The following ROBO2 variants were observed in gnomAD, a reference collection of about 807,000 sequenced individuals.
ROBO2 encodes the protein roundabout guidance receptor 2.
ROBO2 carries 53 observed loss-of-function variants against 160.8 expected under a neutral mutation model. The ratio of observed to expected loss-of-function variants is 0.33; its 90% CI spans 0.26 to 0.41. The LOEUF (loss-of-function observed/expected upper bound fraction) is 0.41, where lower values mean the gene tolerates loss of function less well. Ranked by LOEUF, ROBO2 falls within the 10% of genes least tolerant of loss-of-function variation. The probability of loss-of-function intolerance (pLI) is 1.00; values close to 1 mark genes in which losing one functional copy is unlikely to be tolerated. For missense variants in ROBO2, 1,577 were observed against 1,722.4 expected, an observed-to-expected ratio of 0.92 and a Z score of 1.49; for synonymous variants, 664 against 611.7, an observed-to-expected ratio of 1.09 and a Z score of -1.26.
At chr3:76,333,259 T>C (rs2073625899) in intron 2 of ROBO2, among the ~76,000 whole-genome samples, 1 of 152,162 alleles carries the variant, frequency 6.6e-6, no homozygotes, top group Non-Finnish European at 1.5e-5. Flanking sequence ...GTTGTGATCA[T>C]TGAGATAATG....
At chr3:77,008,189 T>C (rs982141048) in intron 2 of ROBO2, among the ~76,000 whole-genome samples, 5 of 152,078 alleles carry the variant, frequency 3.3e-5, no homozygotes, top group Non-Finnish European at 7.4e-5. Flanking sequence ...AAGTTCGGTT[T>C]CTTGAACTTG....
At chr3:77,234,377 A>G (rs2087647209) in intron 2 of ROBO2, among the ~76,000 whole-genome samples, 1 of 152,172 alleles carries the variant, frequency 6.6e-6, no homozygotes, top group South Asian at 2.1e-4. Context: ...ATATTTGAGC[A>G]CTAATCATGC....
At chr3:76,579,218 G>A (rs1287183168) in intron 2 of ROBO2, among the ~76,000 whole-genome samples, 1 of 151,942 alleles carries the variant, frequency 6.6e-6, no homozygotes, top group East Asian at 1.9e-4. Context: ...CCTTTCATTG[G>A]CTTCTTGCTG....
chr3:77,227,390 AT>A (rs1355848243), intron 2 of ROBO2, among the ~76,000 whole-genome samples: 1 of 152,176 alleles, frequency 6.6e-6, no homozygotes, highest in African/African-American at 2.4e-5. Flanking sequence ...CAACTATATT[AT>A]TTTTATGGCA....
intron 2 of ROBO2, among the ~76,000 whole-genome samples, chr3:76,871,754 C>A (rs1044046086): frequency 1.3e-5 from 2 of 152,102 alleles, no homozygotes; most frequent in Non-Finnish European, 2.9e-5. Context: ...TGAATGGCAG[C>A]CAACTTTTTC....
At chr3:76,620,568 C>T (rs2088986078) in intron 2 of ROBO2, among the ~76,000 whole-genome samples, 1 of 152,028 alleles carries the variant, frequency 6.6e-6, no homozygotes, top group Non-Finnish European at 1.5e-5. Context: ...TAAAATATAT[C>T]AATTAATTAC....
At chr3:76,544,921 C>G (rs1294029388) in intron 2 of ROBO2, among the ~76,000 whole-genome samples, 2 of 152,074 alleles carry the variant, frequency 1.3e-5, no homozygotes, top group East Asian at 3.9e-4. Context: ...TCTTTCTTTT[C>G]TAGTTCGGAC....
chr3:77,270,833 C>G (rs1320543408), intron 2 of ROBO2, among the ~76,000 whole-genome samples: 1 of 151,870 alleles, frequency 6.6e-6, no homozygotes, highest in Non-Finnish European at 1.5e-5. Flanking sequence ...GTCCCAGCTA[C>G]TCGGGAGGCT....
intron 2 of ROBO2, among the ~76,000 whole-genome samples, chr3:76,827,033 A>G (rs1158331819): frequency 6.6e-6 from 1 of 152,188 alleles, no homozygotes; most frequent in Non-Finnish European, 1.5e-5. Flanking sequence ...AATACTACAC[A>G]TTAACTTGTC....
intron 2 of ROBO2, among the ~76,000 whole-genome samples, chr3:76,096,185 C>T (rs894868617): frequency 1.3e-5 from 2 of 152,104 alleles, no homozygotes; most frequent in Non-Finnish European, 2.9e-5. Context: ...TCACAGACCT[C>T]GAGTTTACTT....
Position 76,902,802 on chromosome 3 carries a change from C to T in ROBO2, c.110-195212C>T, listed in dbSNP as rs189947821. 1.9e-3 allele frequency among the ~76,000 whole-genome samples: 282 copies of T among 151,944 alleles called. 2 individuals are homozygous for T. Among genetic ancestry groups the T allele is most frequent in the African/African-American group, 6.3e-3 (261 of 41,506 alleles). On this transcript the variant is annotated intron_variant, in intron 2 of 26. Transcript: ENST00000487694. The stretch of plus-strand genomic sequence containing the variant: ...TGGTATTGTAAGCATGTAATCCTAT[C>T]GTAAGGAGATTGGTTCATATTTTCC...
At chr3:76,494,270 T>C (rs1174963535) in intron 2 of ROBO2, among the ~76,000 whole-genome samples, 2 of 152,196 alleles carry the variant, frequency 1.3e-5, no homozygotes. Flanking sequence ...CCTCTTAGGG[T>C]ACTTTAGCTG....
chr3:77,398,567 C>T (rs2075503540), intron 2 of ROBO2, among the ~76,000 whole-genome samples: 1 of 151,782 alleles, frequency 6.6e-6, no homozygotes, highest in Non-Finnish European at 1.5e-5. Flanking sequence ...TTTACTAGGC[C>T]TCTTTTTTCT....
chr3:77,320,797 A>G (rs766169138), intron 2 of ROBO2, among the ~76,000 whole-genome samples: 3 of 152,310 alleles, frequency 2.0e-5, no homozygotes, highest in African/African-American at 2.4e-5. Context: ...TTAAAAAAAT[A>G]TATTTTTTGT....
chr3:75,910,154 A>G (rs1048473281), intron 1 of ROBO2, among the ~76,000 whole-genome samples: 5 of 152,208 alleles, frequency 3.3e-5, no homozygotes, highest in Non-Finnish European at 7.3e-5. Context: ...GAGTTTCTGT[A>G]TAACCCTGTA....
At chr3:77,121,147 G>T (rs573066243) in intron 2 of ROBO2, among the ~76,000 whole-genome samples, 25 of 151,938 alleles carry the variant, frequency 1.6e-4, no homozygotes, top group Non-Finnish European at 2.9e-4. Flanking sequence ...GTTTCACCAT[G>T]TTGGCCAGTC....
intron 2 of ROBO2, among the ~76,000 whole-genome samples, chr3:77,159,189 G>C (rs547005915): frequency 4.9e-4 from 74 of 152,196 alleles, no homozygotes; most frequent in African/African-American, 1.7e-3. Flanking sequence ...ATTCTCATTA[G>C]GGTCCTGTAA....
chr3:76,048,590 A>G (rs975898600), intron 2 of ROBO2, among the ~76,000 whole-genome samples: 1 of 152,162 alleles, frequency 6.6e-6, no homozygotes, highest in South Asian at 2.1e-4. Flanking sequence ...ACTGCAGATG[A>G]GATTATGGAT....
chr3:77,462,701 G>A (rs568031654), intron 2 of ROBO2, among the ~76,000 whole-genome samples: 2 of 151,956 alleles, frequency 1.3e-5, no homozygotes, highest in African/African-American at 4.8e-5. Flanking sequence ...CATTTACAGG[G>A]TTTTAAAGAA....
Sources: gnomAD v4.1 joint callset for allele counts (sites outside exome capture counted in the v4.1 genomes callset) on GRCh38, gnomAD v4.1.1 for gene constraint, MANE v1.5 for transcripts, NCBI Gene and HGNC (gene_info 2026-07-23, HGNC 2026-07-21) for gene names.